FNTA: variants seen among roughly 807,000 people sequenced by gnomAD.
FNTA encodes protein farnesyltransferase/geranylgeranyltransferase type-1 subunit alpha.
FNTA carries 27 observed loss-of-function variants against 55.2 expected under a neutral mutation model. That is an observed-to-expected ratio of 0.49 (90% CI 0.36 to 0.67). The LOEUF (loss-of-function observed/expected upper bound fraction) is 0.67, where lower values mean the gene tolerates loss of function less well. FNTA is among the 30% of genes least tolerant of loss of function. The pLI is 0.00. For synonymous variants in FNTA, 176 were observed against 170.7 expected, an observed-to-expected ratio of 1.03 and a Z score of -0.24; for missense variants, 422 against 464.7, an observed-to-expected ratio of 0.91 and a Z score of 0.85.
At chr8:43,063,074 T>A (rs911784940) in intron 2 of FNTA, among the ~76,000 whole-genome samples, 3 of 150,496 alleles carry the variant, frequency 2.0e-5, no homozygotes, top group African/African-American at 4.9e-5. Context: ...CAAACCACCA[T>A]ACCTGGCAGT....
At chr8:43,072,009 T>A (rs1726909248) in intron 4 of FNTA, among the ~76,000 whole-genome samples, 172 bp from the exon 5 acceptor site, 1 of 152,090 alleles carries the variant, frequency 6.6e-6, no homozygotes, top group South Asian at 2.1e-4. Flanking sequence ...ACTATCTGAA[T>A]TTTTTTTCTA....
At chr8:43,057,905 C>G (rs1307529618) in intron 1 of FNTA, among the ~76,000 whole-genome samples, 1 of 146,152 alleles carries the variant, frequency 6.8e-6, no homozygotes, top group Non-Finnish European at 1.5e-5. Flanking sequence ...TTGCAATGAG[C>G]GGAGATTGCG....
chr8:43,071,544 C>G (rs1395000168), intron 4 of FNTA, among the ~76,000 whole-genome samples: 2 of 151,978 alleles, frequency 1.3e-5, no homozygotes, highest in Admixed American at 6.6e-5. Flanking sequence ...TGGTGGCAGG[C>G]GCCTGTAATC....
chr8:43,060,840 G>A (rs1023310710), intron 2 of FNTA, among the ~76,000 whole-genome samples: 12 of 152,138 alleles, frequency 7.9e-5, no homozygotes, highest in African/African-American at 2.7e-4. Context: ...GCAAGCAGCA[G>A]TGTGGAAGAA....
intron 1 of FNTA, among the ~76,000 whole-genome samples, chr8:43,058,553 C>G (rs1033349894): frequency 1.3e-5 from 2 of 152,058 alleles, no homozygotes; most frequent in African/African-American, 4.8e-5. Context: ...GGGCGGATCA[C>G]CAGGTCAAGA....
intron 5 of FNTA, among the ~76,000 whole-genome samples, chr8:43,075,631 C>A (rs977173279): frequency 1.1e-4 from 17 of 151,982 alleles, no homozygotes; most frequent in African/African-American, 3.9e-4. Context: ...GCCTGGCCAA[C>A]ATGGTAAAAC....
chr8:43,082,813 C>T (rs1197899254), intron 6 of FNTA: 4 of 184,476 alleles, frequency 2.2e-5, no homozygotes, highest in South Asian at 2.1e-4. Flanking sequence ...TTTGGGAGGC[C>T]GAGGCAGGCG....
intron 4 of FNTA, among the ~76,000 whole-genome samples, chr8:43,071,694 C>CAA (rs71231890): frequency 2.7e-4 from 20 of 73,180 alleles, no homozygotes; most frequent in East Asian, 5.5e-4. Context: ...GACTTCGTCT[C>CAA]AAAAAAAAAA....
chr8:43,069,585 T>G lies in FNTA; in HGVS notation c.432T>G (p.Leu144=), dbSNP rs955502009. 1 of 1,613,422 alleles carries G rather than the reference T, an allele frequency of 6.2e-7. No homozygotes were observed. The highest frequency in any genetic ancestry group is 1.3e-5 in the African/African-American group (1 of 74,878). The change falls in exon 4 of 9, where the codon CTT becomes CTG. Residue 144 remains leucine, a synonymous_variant. Coordinates refer to ENST00000302279, the MANE Select transcript of FNTA (RefSeq NM_002027.3). The stretch of plus-strand genomic sequence containing the variant: ...TCCGGAGAGTTCTTTTGAAGTCACT[T>G]CAGAAGGATCTACATGAGGAAATGA... ...WHFRRVLLKS[L]QKDLHEEMNY... is the part of the protein sequence containing the mutation.
At chr8:43,065,494 G>T (rs922622238) in intron 3 of FNTA, among the ~76,000 whole-genome samples, 1 of 152,080 alleles carries the variant, frequency 6.6e-6, no homozygotes, top group Non-Finnish European at 1.5e-5. Context: ...TGATCCACCA[G>T]TCTCAGCCTC....
intron 1 of FNTA, among the ~76,000 whole-genome samples, chr8:43,057,571 T>G (rs941615018): frequency 2.0e-5 from 3 of 152,184 alleles, no homozygotes; most frequent in African/African-American, 7.2e-5. Flanking sequence ...TTCACTTGTA[T>G]TTCTCCCTGT....
At chr8:43,075,345 A>G (rs1227300104) in intron 5 of FNTA, among the ~76,000 whole-genome samples, 1 of 74,116 alleles carries the variant, frequency 1.3e-5, no homozygotes, top group Non-Finnish European at 4.2e-5. Flanking sequence ...ATCGGGGACT[A>G]TCATAGGAGA....
In FNTA at chr8:43,083,099, A is replaced by G. The variant is rs752153714; in HGVS notation, c.783-19A>G. ...TTGCACTGTTCTTTTAAAATTGTATATATATATTTTTCTTGCAGATACACT... is the reference window on the plus strand; with the variant it reads ...TTGCACTGTTCTTTTAAAATTGTATGTATATATTTTTCTTGCAGATACACT... On this transcript the variant is annotated intron_variant, in intron 6 of 8. Coordinates refer to ENST00000302279, the MANE Select transcript of FNTA (RefSeq NM_002027.3). 9.4e-6 allele frequency: 13 copies of G among 1,376,570 alleles called. No homozygotes were observed. Among genetic ancestry groups the G allele is most frequent in the South Asian group, 2.5e-5 (2 of 79,752 alleles). 85.3% of individuals were successfully genotyped at this position (1,376,570 alleles called of 1,614,324 possible).
At chr8:43,056,695 C>CT in intron 1 of FNTA, 149 bp downstream of exon 1, 2 of 359,924 alleles carry the variant, frequency 5.6e-6, no homozygotes, top group Non-Finnish European at 8.8e-6. Flanking sequence ...GCCCGGGCGG[C>CT]TGCCGGGACG....
At chr8:43,075,519 TAA>T (rs991319146) in intron 5 of FNTA, among the ~76,000 whole-genome samples, 7 of 152,094 alleles carry the variant, frequency 4.6e-5, no homozygotes. Flanking sequence ...CTTTATAATA[TAA>T]AAAATTTATA....
chr8:43,084,778 G>T lies in FNTA; in HGVS notation c.914G>T (p.Ser305Ile). The T allele has an allele frequency of 6.2e-7, 1 of 1,613,454 alleles. No individual in the cohort carries two copies. The highest frequency in any genetic ancestry group is 8.5e-7 in the Non-Finnish European group (1 of 1,179,456). Residue 305 changes from serine to isoleucine, a missense_variant, in exon 8 of 9, where the codon AGT becomes ATT. Transcript: ENST00000302279. ...LLNQLLDLQP[S>I]HSSPYLIAFL... ...AATCAATTACTTGATTTACAACCAA[G>T]TCATAGTTCCCCCTACCTAATTGCC... is the stretch of plus-strand genomic sequence containing the variant.
chr8:43,068,085 AG>A (rs747139712), intron 3 of FNTA, among the ~76,000 whole-genome samples: 36 of 152,154 alleles, frequency 2.4e-4, no homozygotes, highest in Non-Finnish European at 2.9e-4. Flanking sequence ...TATTTTTAGT[AG>A]AGATGGTGTT....
intron 3 of FNTA, 46 bp downstream of exon 3, chr8:43,064,261 T>TC: frequency 8.4e-7 from 1 of 1,192,422 alleles, no homozygotes; most frequent in Non-Finnish European, 1.2e-6. Context: ...ATGTTTTACT[T>TC]CAAGTGGCTT....
chr8:43,070,144 C>G (rs958269912), intron 4 of FNTA: 2 of 147,494 alleles, frequency 1.4e-5, no homozygotes, highest in African/African-American at 5.1e-5. Flanking sequence ...CCCAGCTACT[C>G]AAGGAGCGTG....
Sources: gnomAD v4.1 joint callset for allele counts (sites outside exome capture counted in the v4.1 genomes callset) on GRCh38, gnomAD v4.1.1 for gene constraint, MANE v1.5 for transcripts, NCBI Gene and HGNC (gene_info 2026-07-23, HGNC 2026-07-21) for gene names.